The following KAZN variants were observed in gnomAD, a reference collection of about 807,000 sequenced individuals.
KAZN encodes kazrin, periplakin interacting protein, also known as kazrin.
KAZN carries 40 observed loss-of-function variants against 87.4 expected under a neutral mutation model. That is an observed-to-expected ratio of 0.46 (90% CI 0.36 to 0.60). The LOEUF (loss-of-function observed/expected upper bound fraction) is 0.60. Ranked by LOEUF, KAZN falls within the 20% of genes least tolerant of loss-of-function variation. The pLI is 0.00. For missense variants in KAZN, 898 were observed against 1,073.9 expected, an observed-to-expected ratio of 0.84 and a Z score of 2.29; for synonymous variants, 466 against 458.3, an observed-to-expected ratio of 1.02 and a Z score of -0.22.
At chr1:14,380,444 A>G (rs1456544615) in intron 2 of KAZN, among the ~76,000 whole-genome samples, 1 of 152,258 alleles carries the variant, frequency 6.6e-6, no homozygotes, top group Non-Finnish European at 1.5e-5. Flanking sequence ...GCTGTGTTGA[A>G]GAAACTTAAA....
intron 1 of KAZN, among the ~76,000 whole-genome samples, chr1:13,913,680 C>G (rs1639734776): frequency 6.6e-6 from 1 of 152,180 alleles, no homozygotes; most frequent in Admixed American, 6.5e-5. Context: ...TAAACTTTTC[C>G]AATTCATTTA....
chr1:14,176,810 T>C (rs920971650), intron 1 of KAZN, among the ~76,000 whole-genome samples: 1 of 152,230 alleles, frequency 6.6e-6, no homozygotes, highest in East Asian at 1.9e-4. Context: ...GGATTTACGA[T>C]ATCCATCTTT....
intron 8 of KAZN, among the ~76,000 whole-genome samples, chr1:15,093,843 A>C (rs952507482): frequency 2.0e-5 from 3 of 152,234 alleles, no homozygotes; most frequent in Non-Finnish European, 4.4e-5. Flanking sequence ...ACGGGGAGGC[A>C]GGTTTGTGTG....
intron 2 of KAZN, among the ~76,000 whole-genome samples, chr1:14,187,596 C>A (rs1316804010): frequency 6.6e-6 from 1 of 152,114 alleles, no homozygotes; most frequent in Non-Finnish European, 1.5e-5. Flanking sequence ...CCTCCCACAC[C>A]AGGTGACATC....
In KAZN at chr1:14,092,113, G is replaced by GA. The variant is rs1472189785; in HGVS notation, c.92-88321dup. Among the ~76,000 whole-genome samples the GA allele has an allele frequency of 2.0e-4, 25 of 123,772 alleles. 1 individual carries two copies. In the East Asian group the frequency reaches 5.5e-3, roughly 27 times the overall value. 81.2% of individuals were successfully genotyped at this position (123,772 alleles called of 152,430 possible). A position where few individuals can be genotyped will look rare whatever the true frequency, so the allele number is the denominator to read the frequency against. ...TTTTCTTTTTTTTTTTTTTTTTTGA[G>GA]ACAGTCTTGCTCTGTCACCCAGGCT... On this transcript the variant is annotated intron_variant, in intron 1 of 16. Coordinates refer to the KAZN transcript ENST00000636203.
chr1:14,054,268 A>G (rs1642458495), intron 1 of KAZN, among the ~76,000 whole-genome samples: 1 of 152,194 alleles, frequency 6.6e-6, no homozygotes, highest in Non-Finnish European at 1.5e-5. Context: ...ACTTACTGTT[A>G]TATTCATTTC....
At chr1:14,311,617 A>G (rs1655305988) in intron 2 of KAZN, among the ~76,000 whole-genome samples, 1 of 152,176 alleles carries the variant, frequency 6.6e-6, no homozygotes, top group African/African-American at 2.4e-5. Context: ...ATTCTGAGAC[A>G]TGACTGACTC....
chr1:14,935,695 C>G (rs1483703299), intron 1 of KAZN, among the ~76,000 whole-genome samples: 2 of 152,142 alleles, frequency 1.3e-5, no homozygotes, highest in South Asian at 2.1e-4. Flanking sequence ...CTCTCCCTTC[C>G]CCTTCTCCCT....
At chr1:14,945,845 G>C (rs1051913311) in intron 1 of KAZN, 1 of 985,260 alleles carries the variant, frequency 1.0e-6, no homozygotes, top group Non-Finnish European at 1.2e-6. Flanking sequence ...CGGCCCGGAA[G>C]ACTTGGGCAG....
intron 2 of KAZN, among the ~76,000 whole-genome samples, chr1:14,222,893 G>A (rs1403823199): frequency 1.3e-5 from 2 of 152,080 alleles, no homozygotes; most frequent in African/African-American, 2.4e-5. Flanking sequence ...CATGCTCAAA[G>A]CCTTTTGTAA....
At chr1:14,212,938 G>A (rs1334418535) in intron 2 of KAZN, among the ~76,000 whole-genome samples, 1 of 152,014 alleles carries the variant, frequency 6.6e-6, no homozygotes, top group Admixed American at 6.5e-5. Flanking sequence ...CTTTACACTG[G>A]GATTCTTATA....
At chr1:15,044,243 T>C in intron 4 of KAZN, 84 bp downstream of exon 4, 1 of 519,756 alleles carries the variant, frequency 1.9e-6, no homozygotes, top group Non-Finnish European at 2.8e-6. Context: ...CCGACTCACA[T>C]CGGAGACCTA....
chr1:14,119,185 G>T (rs1423207152), intron 1 of KAZN, among the ~76,000 whole-genome samples: 2 of 152,144 alleles, frequency 1.3e-5, no homozygotes, highest in African/African-American at 4.8e-5. Flanking sequence ...CATGTTATCT[G>T]TGGGTTTTCA....
intron 2 of KAZN, among the ~76,000 whole-genome samples, chr1:14,512,899 TCTC>T (rs1243482923): frequency 3.3e-5 from 5 of 152,198 alleles, no homozygotes; most frequent in Non-Finnish European, 5.9e-5. Flanking sequence ...GGCCGGCTCT[TCTC>T]CTGCTGAGAG....
chr1:14,379,417 A>C (rs1049181292), intron 2 of KAZN, among the ~76,000 whole-genome samples: 4 of 152,108 alleles, frequency 2.6e-5, no homozygotes, highest in African/African-American at 4.8e-5. Context: ...GCCACAGAGA[A>C]GTAAAGCACC....
chr1:14,425,125 C>A (rs1339722567), intron 2 of KAZN, among the ~76,000 whole-genome samples: 6 of 152,126 alleles, frequency 3.9e-5, no homozygotes, highest in Admixed American at 3.9e-4. Context: ...TGATTCGTGG[C>A]CTCAGTGTCT....
At chr1:14,496,545 C>G (rs988944197) in intron 2 of KAZN, among the ~76,000 whole-genome samples, 1 of 151,718 alleles carries the variant, frequency 6.6e-6, no homozygotes, top group African/African-American at 2.4e-5. Context: ...TCTTGAAAGA[C>G]TTTAGTTATT....
chr1:14,665,811 C>T (rs529316802), intron 1 of KAZN, among the ~76,000 whole-genome samples: 6 of 151,872 alleles, frequency 4.0e-5, no homozygotes, highest in South Asian at 2.1e-4. Context: ...TTAAAGCACA[C>T]GGCTGCCTAG....
chr1:14,012,650 T>C (rs1036640303), intron 1 of KAZN, among the ~76,000 whole-genome samples: 12 of 152,192 alleles, frequency 7.9e-5, no homozygotes, highest in South Asian at 2.1e-4. Context: ...ACTACAAATA[T>C]AGAAATTAGC....
Sources: gnomAD v4.1 joint callset for allele counts (sites outside exome capture counted in the v4.1 genomes callset) on GRCh38, gnomAD v4.1.1 for gene constraint, MANE v1.5 for transcripts, NCBI Gene and HGNC (gene_info 2026-07-23, HGNC 2026-07-21) for gene names.